CAPS2: variants seen among roughly 807,000 people sequenced by gnomAD.
The protein encoded by CAPS2 is calcyphosin-2.
CAPS2 carries 98 observed loss-of-function variants against 86.5 expected under a neutral mutation model. That is an observed-to-expected ratio of 1.13 (90% confidence interval 0.96 to 1.34). The LOEUF (loss-of-function observed/expected upper bound fraction) is 1.34, where lower values mean the gene tolerates loss of function less well. CAPS2 is among the 40% of genes most tolerant of loss of function. The pLI, the probability that CAPS2 is intolerant of heterozygous loss-of-function variation, is 0.00. For missense variants in CAPS2, 729 were observed against 686.8 expected, an observed-to-expected ratio of 1.06 and a Z score of -0.69; for synonymous variants, 210 against 225.1, an observed-to-expected ratio of 0.93 and a Z score of 0.60.
chr12:75,370,821 T>C (rs1003381325), intron 1 of CAPS2, among the ~76,000 whole-genome samples: 2 of 152,214 alleles, frequency 1.3e-5, no homozygotes, highest in Non-Finnish European at 2.9e-5. Context: ...TAACAACATT[T>C]CTACAAACCA....
intron 1 of CAPS2, among the ~76,000 whole-genome samples, chr12:75,356,150 A>G (rs931170320): frequency 6.6e-6 from 1 of 152,214 alleles, no homozygotes; most frequent in South Asian, 2.1e-4. Context: ...AAACAAAAAT[A>G]TAATTTAAAA....
chr12:75,346,672 T>C (rs1474651077), intron 1 of CAPS2, among the ~76,000 whole-genome samples: 1 of 152,192 alleles, frequency 6.6e-6, no homozygotes, highest in Non-Finnish European at 1.5e-5. Context: ...AAGTTCTCAG[T>C]TCACTTTGAT....
At chr12:75,295,322 C>T (rs2036698420) in intron 11 of CAPS2, among the ~76,000 whole-genome samples, 1 of 152,116 alleles carries the variant, frequency 6.6e-6, no homozygotes, top group African/African-American at 2.4e-5. Context: ...CAGCATTTGG[C>T]AAATAAAGCC....
rs535399911 is a variant in CAPS2 at position 75,282,070 on chromosome 12, T to C, written c.1612+181A>G. Among the ~76,000 whole-genome samples the C allele has an allele frequency of 3.3e-5, 5 of 152,230 alleles. No homozygotes were observed. In the East Asian group the frequency reaches 9.6e-4, roughly 29 times the overall value. On this transcript the variant is annotated intron_variant, in intron 16 of 16. Transcript: ENST00000393284. ...TAAATATCAAATAATCAAATGAGTA[T>C]GGGCAATAGACCTAAGAATTTTTAA...
chr12:75,299,246 G>A (rs532414886), intron 9 of CAPS2, among the ~76,000 whole-genome samples: 2 of 152,286 alleles, frequency 1.3e-5, no homozygotes, highest in South Asian at 4.1e-4. Context: ...TTAAGACAAT[G>A]TGAATTATCT....
At chr12:75,282,268 T>C in exon 16 of CAPS2, 1 of 1,578,148 alleles carries the variant, frequency 6.3e-7, no homozygotes, top group Non-Finnish European at 8.7e-7. Context: ...TACTTGAGAA[T>C]GCTTCTTTGC....
chr12:75,286,729 T>A (rs1402375605), intron 14 of CAPS2, among the ~76,000 whole-genome samples: 1 of 151,930 alleles, frequency 6.6e-6, no homozygotes, highest in Non-Finnish European at 1.5e-5. Flanking sequence ...AGACCTAGGT[T>A]AGTGATTCTT....
At chr12:75,360,412 C>G (rs1370304048) in intron 1 of CAPS2, 1 of 152,192 alleles carries the variant, frequency 6.6e-6, no homozygotes, top group African/African-American at 2.4e-5. Flanking sequence ...TTCCTAGATA[C>G]AATGGGGATA....
chr12:75,299,535 T>C (rs2037455796), intron 9 of CAPS2, among the ~76,000 whole-genome samples: 1 of 152,132 alleles, frequency 6.6e-6, no homozygotes, highest in East Asian at 1.9e-4. Context: ...AAAACATTAG[T>C]TTTCAGTTTA....
chr12:75,326,656 T>C (rs2040815812), upstream of CAPS2: 1 of 564,340 alleles, frequency 1.8e-6, no homozygotes, highest in East Asian at 2.8e-5. Context: ...CTTTTACCAA[T>C]ATCAACTTTT....
At chr12:75,337,192 G>A (rs2041794437) in intron 1 of CAPS2, among the ~76,000 whole-genome samples, 1 of 151,712 alleles carries the variant, frequency 6.6e-6, no homozygotes, top group African/African-American at 2.4e-5. Context: ...TTCAACTCAA[G>A]AAGGTAGGAA....
chr12:75,278,692 C>T, exon 17 of CAPS2: 1 of 1,293,304 alleles, frequency 7.7e-7, no homozygotes, highest in South Asian at 2.7e-5. Context: ...ACTAACACAC[C>T]CCTACATCTA....
chr12:75,297,166 G>A (rs951316535), intron 11 of CAPS2, among the ~76,000 whole-genome samples: 2 of 151,862 alleles, frequency 1.3e-5, no homozygotes, highest in Non-Finnish European at 2.9e-5. Context: ...AAGAAATATG[G>A]AATGAGGATA....
intron 1 of CAPS2, chr12:75,343,998 T>C: frequency 7.2e-7 from 1 of 1,392,706 alleles, no homozygotes; most frequent in Admixed American, 2.1e-5. Context: ...ATTGCCAGAA[T>C]TTATTTCTCT....
intron 1 of CAPS2, among the ~76,000 whole-genome samples, chr12:75,363,402 C>T (rs1566004557): frequency 6.6e-6 from 1 of 152,104 alleles, no homozygotes; most frequent in Non-Finnish European, 1.5e-5. Flanking sequence ...AGCTAAAGAG[C>T]AGAAAGGAAT....
intron 1 of CAPS2, among the ~76,000 whole-genome samples, chr12:75,325,850 G>A (rs2040728439): frequency 6.6e-6 from 1 of 152,026 alleles, no homozygotes. Context: ...ACAAGTTAGG[G>A]AACTTAGACC....
At chr12:75,341,153 G>C (rs2042077445) in intron 1 of CAPS2, among the ~76,000 whole-genome samples, 1 of 151,978 alleles carries the variant, frequency 6.6e-6, no homozygotes, top group Non-Finnish European at 1.5e-5. Flanking sequence ...ATAAAAACCT[G>C]CTCACAAATA....
At chr12:75,289,742 A>G (rs754658078) in exon 14 of CAPS2, 2 of 1,612,730 alleles carry the variant, frequency 1.2e-6, no homozygotes, top group Non-Finnish European at 1.7e-6. Flanking sequence ...CAAAATACGA[A>G]CACCTCTTTT....
At position 75,367,053 on chromosome 12, in the gene CAPS2, T is replaced by A. The variant is rs1177727483; in HGVS notation, c.-395+23785A>T. The A allele has an allele frequency of 7.1e-6, 5 of 699,982 alleles. No homozygotes were observed. The East Asian group carries it at 8.1e-5, about 11-fold the overall frequency. 43.4% of individuals were successfully genotyped at this position (699,982 alleles called of 1,614,324 possible). A position where few individuals can be genotyped will look rare whatever the true frequency, so the allele number is the denominator to read the frequency against. On this transcript the variant is annotated intron_variant, in intron 1 of 5. Coordinates refer to the CAPS2 transcript ENST00000551829. ...TATCTCTAAAAATGACAGTTTAAGT[T>A]TCTCACAAAAATGCACAGACAAGCC...
Sources: allele counts gnomAD v4.1 joint callset (sites outside exome capture counted in the v4.1 genomes callset), GRCh38; gene constraint gnomAD v4.1.1; transcripts MANE v1.5; gene names NCBI Gene and HGNC (gene_info 2026-07-23, HGNC 2026-07-21).